FABP6: variants seen among roughly 807,000 people sequenced by gnomAD.
The protein encoded by FABP6 is gastrotropin.
In FABP6, 13 loss-of-function variants were observed where a neutral mutation model predicts 14.9. The observed-to-expected ratio is 0.87, with a 90% CI of 0.57 to 1.39. FABP6 has a LOEUF of 1.39. Ranked by LOEUF, FABP6 falls within the 40% of genes most tolerant of loss-of-function variation. FABP6 has a pLI of 0.00. For missense variants in FABP6, 161 were observed against 167.2 expected (o/e 0.96, Z 0.20); for synonymous variants, 75 against 63.6 (o/e 1.18, Z -0.85).
At chr5:160,190,363 G>A (rs1210794127) in intron 1 of FABP6, among the ~76,000 whole-genome samples, 4 of 152,082 alleles carry the variant, frequency 2.6e-5, no homozygotes, top group African/African-American at 9.7e-5. Context: ...CTCCCGAGTA[G>A]CTGGGATTAC....
At chr5:160,195,603 C>G (rs765097949) in intron 1 of FABP6, 1 of 152,368 alleles carries the variant, frequency 6.6e-6, no homozygotes, top group East Asian at 1.9e-4. Context: ...TACAGTCATG[C>G]ACCACCTTAC....
exon 3 of FABP6, chr5:160,213,806 C>T (rs1038091291): frequency 1.2e-6 from 2 of 1,613,616 alleles, no homozygotes; most frequent in Non-Finnish European, 1.7e-6. Context: ...ATGAAACAGA[C>T]ACATAAAGGA....
At chr5:160,224,143 G>A (rs1760194345) in intron 3 of FABP6, among the ~76,000 whole-genome samples, 2 of 152,142 alleles carry the variant, frequency 1.3e-5, no homozygotes, top group Non-Finnish European at 2.9e-5. Flanking sequence ...GGCTGAGGCA[G>A]GAGAATGGCG....
intron 1 of FABP6, among the ~76,000 whole-genome samples, chr5:160,192,252 C>T (rs2113052618): frequency 6.6e-6 from 1 of 152,278 alleles, no homozygotes; most frequent in Non-Finnish European, 1.5e-5. Context: ...ATCTTGAACT[C>T]CTGGGCTCAA....
chr5:160,229,335 G>A, upstream of FABP6: 1 of 1,066,186 alleles, frequency 9.4e-7, no homozygotes, highest in Non-Finnish European at 1.3e-6. Flanking sequence ...TGGGGTGACA[G>A]CACTTCCCCA....
chr5:160,230,070 A>G lies in FABP6; in HGVS notation c.67+446A>G, dbSNP rs183226179. Among the ~76,000 whole-genome samples the G allele has an allele frequency of 6.8e-3, 1,023 of 150,044 alleles. 18 individuals carry two copies. Among genetic ancestry groups the G allele is most frequent in the African/African-American group, 0.024 (972 of 40,764 alleles). On this transcript the variant is annotated intron_variant, in intron 1 of 3. Coordinates refer to ENST00000402432, the MANE Select transcript of FABP6 (RefSeq NM_001445.3). ...TTTTTTTTGTATTTTTTTAGTAAAG[A>G]TGGGGTTTTACCATGTTGGCCAGGC... is the stretch of plus-strand genomic sequence containing the variant.
At chr5:160,236,374 A>G (rs996064730) in intron 3 of FABP6, among the ~76,000 whole-genome samples, 4 of 152,172 alleles carry the variant, frequency 2.6e-5, no homozygotes, top group African/African-American at 7.2e-5. Context: ...TCATAACTTA[A>G]TTACCCCCTA....
chr5:160,237,880 C>A (rs1004041910), intron 3 of FABP6, among the ~76,000 whole-genome samples: 1 of 152,170 alleles, frequency 6.6e-6, no homozygotes, highest in Non-Finnish European at 1.5e-5. Flanking sequence ...AAATCCAATT[C>A]TTCAGGATTC....
chr5:160,189,992 C>T (rs554064546), intron 1 of FABP6, among the ~76,000 whole-genome samples: 4 of 152,242 alleles, frequency 2.6e-5, no homozygotes, highest in African/African-American at 9.6e-5. Context: ...ATGACATATT[C>T]CTACTTTACA....
chr5:160,188,805 G>T (rs1183898152), intron 1 of FABP6, among the ~76,000 whole-genome samples: 3 of 152,158 alleles, frequency 2.0e-5, no homozygotes, highest in African/African-American at 4.8e-5. Flanking sequence ...CTCCCGGTTG[G>T]AGCGGTTCCC....
chr5:160,196,532 G>T (rs1009900416), intron 1 of FABP6: 10 of 152,352 alleles, frequency 6.6e-5, no homozygotes, highest in African/African-American at 2.4e-4. Flanking sequence ...AAGTTGCAAG[G>T]GTGGGGAGTG....
intron 1 of FABP6, among the ~76,000 whole-genome samples, chr5:160,191,294 C>T (rs1015944879): frequency 2.0e-5 from 3 of 151,914 alleles, no homozygotes; most frequent in African/African-American, 4.8e-5. Flanking sequence ...GGTGACACCC[C>T]GTCTTTACTA....
Position 160,219,906 on chromosome 5 carries a change from T to C in FABP6, c.135+6087T>C, listed in dbSNP as rs1166090100. On this transcript the variant is annotated intron_variant, in intron 3 of 6. Transcript: ENST00000393980. ...ATTTTGGGGGGTCAGGTCACAGGGA[T>C]TTCTATTTTTCACAAGCCCTCCCTT... Among the ~76,000 whole-genome samples the C allele has an allele frequency of 2.0e-5, 3 of 152,022 alleles. No homozygotes were observed. In the East Asian group the frequency reaches 5.8e-4, roughly 29 times the overall value.
chr5:160,219,217 A>G (rs1431988499), intron 3 of FABP6, among the ~76,000 whole-genome samples: 1 of 152,176 alleles, frequency 6.6e-6, no homozygotes, highest in Non-Finnish European at 1.5e-5. Context: ...GAGGGTGCCC[A>G]GGGCTCCTCC....
intron 1 of FABP6, among the ~76,000 whole-genome samples, chr5:160,193,307 G>C (rs936910521): frequency 6.6e-6 from 1 of 152,172 alleles, no homozygotes; most frequent in Non-Finnish European, 1.5e-5. Context: ...CTGGCTTCAG[G>C]AGTGAAGCTG....
intron 2 of FABP6, 137 bp downstream of exon 2, chr5:160,232,410 G>C (rs1024606852): frequency 2.5e-6 from 2 of 793,412 alleles, no homozygotes; most frequent in African/African-American, 3.5e-5. Flanking sequence ...GAGTTACTTG[G>C]CAATTTAATG....
Position 160,230,623 on chromosome 5 carries a change from A to G in FABP6, c.67+999A>G, listed in dbSNP as rs145216133. Among the ~76,000 whole-genome samples the G allele has an allele frequency of 2.0e-4, 31 of 152,172 alleles. 1 individual carries two copies. The East Asian group carries it at 6.0e-3, about 29-fold the overall frequency. The stretch of plus-strand genomic sequence containing the variant: ...GTGATCCACCCACCTCGGCCTCCCA[A>G]AATGCTGGGATTACAGACGTGAGCC... On this transcript the variant is annotated intron_variant, in intron 1 of 3. Transcript: ENST00000402432.
chr5:160,230,976 C>A (rs912906239), intron 1 of FABP6, among the ~76,000 whole-genome samples: 1 of 152,212 alleles, frequency 6.6e-6, no homozygotes, highest in African/African-American at 2.4e-5. Flanking sequence ...TTGTGAGGAA[C>A]CAATGAGACA....
intron 1 of FABP6, among the ~76,000 whole-genome samples, chr5:160,189,495 A>C (rs1759355057): frequency 6.6e-6 from 1 of 152,176 alleles, no homozygotes; most frequent in Non-Finnish European, 1.5e-5. Context: ...CACCCACCTC[A>C]GTCTCCCAAA....
Sources: gnomAD v4.1 joint callset for allele counts (sites outside exome capture counted in the v4.1 genomes callset) on GRCh38, gnomAD v4.1.1 for gene constraint, MANE v1.5 for transcripts, NCBI Gene and HGNC (gene_info 2026-07-23, HGNC 2026-07-21) for gene names.